Variants in PTPN9 observed in about 807,000 individuals in gnomAD.
The protein encoded by PTPN9 is tyrosine-protein phosphatase non-receptor type 9.
A neutral mutation model predicts 69.8 loss-of-function variants in PTPN9; 26 were observed. That is an observed-to-expected ratio of 0.37 (90% CI 0.27 to 0.52). The LOEUF (loss-of-function observed/expected upper bound fraction) is 0.52. Among genes scored for constraint, PTPN9 ranks in the 20% least tolerant of loss-of-function variants. The pLI, the probability that PTPN9 is intolerant of heterozygous loss-of-function variation, is 0.91. For missense variants in PTPN9, 549 were observed against 740.3 expected, an observed-to-expected ratio of 0.74 and a Z score of 3.00; for synonymous variants, 274 against 272.5, an observed-to-expected ratio of 1.01 and a Z score of -0.05.
intron 5 of PTPN9, chr15:75,512,876 T>C (rs539081025): frequency 1.6e-5 from 5 of 312,078 alleles, no homozygotes; most frequent in Non-Finnish European, 2.5e-5. Context: ...ACCCCAACTA[T>C]GTATTCTTCT....
chr15:75,544,625 G>C (rs938810995), intron 1 of PTPN9, among the ~76,000 whole-genome samples: 2 of 152,128 alleles, frequency 1.3e-5, no homozygotes, highest in Non-Finnish European at 2.9e-5. Context: ...GGTTCCCAGA[G>C]GGAGGTAACA....
rs2074832917 is a variant in PTPN9, at chr15:75,508,923, C to T, written c.633G>A (p.Arg211=). The change falls in exon 6 of 13, where the codon CGG becomes CGA. Residue 211 remains arginine (R), a synonymous_variant. Coordinates refer to ENST00000618819, the MANE Select transcript of PTPN9 (RefSeq NM_002833.4). ...AAGGGCAAGCTTGCCTTACCCTCTC[C>T]CGGACTTTGTCCTTCAGGAGGAGAC... ...IISLLLKDKV[R]ERIQILKTSE... 1 of 1,612,266 alleles carries T rather than the reference C, an allele frequency of 6.2e-7. No individual in the cohort carries two copies. Among genetic ancestry groups the T allele is most frequent in the East Asian group, 2.2e-5 (1 of 44,874 alleles).
rs780827735 is a variant in PTPN9, at chr15:75,505,994, A to G, written c.649T>C (p.Leu217=). 38 of 1,609,830 alleles carry G rather than the reference A, an allele frequency of 2.4e-5. 1 individual carries two copies. The South Asian group carries it at 3.3e-4, about 14-fold the overall frequency. Residue 217 remains leucine (L), a synonymous_variant, in exon 7 of 13, where the codon TTA becomes CTA. Transcript: ENST00000618819. ...TGCTGCGTGACCTCAGATGTCTTTA[A>G]TATTTGAATCTGGAAGGTTAGAAAG... is the stretch of plus-strand genomic sequence containing the variant. ...KDKVRERIQI[L]KTSEVTQHLP...
intron 10 of PTPN9, among the ~76,000 whole-genome samples, chr15:75,473,484 GT>G (rs1360435722): frequency 6.6e-6 from 1 of 152,122 alleles, no homozygotes. Context: ...TAGAGACGGG[GT>G]TTCACCAGGC....
intron 1 of PTPN9, among the ~76,000 whole-genome samples, chr15:75,545,240 C>T (rs920813211): frequency 6.6e-6 from 1 of 152,070 alleles, no homozygotes; most frequent in Non-Finnish European, 1.5e-5. Context: ...CATTTGAACA[C>T]TTGCCAATCT....
intron 6 of PTPN9, among the ~76,000 whole-genome samples, chr15:75,508,055 A>G (rs913693017): frequency 2.6e-5 from 4 of 151,378 alleles, no homozygotes; most frequent in Admixed American, 1.3e-4. Context: ...AAAAAAAAAA[A>G]AAAAAAAAAG....
intron 2 of PTPN9, 74 bp downstream of exon 2, chr15:75,527,044 T>G: frequency 6.4e-7 from 1 of 1,551,284 alleles, no homozygotes; most frequent in Non-Finnish European, 8.9e-7. Flanking sequence ...CCAATGTGTG[T>G]GTCGAGCATG....
chr15:75,502,968 C>T (rs1173543713), intron 7 of PTPN9, among the ~76,000 whole-genome samples: 5 of 152,212 alleles, frequency 3.3e-5, no homozygotes, highest in South Asian at 2.1e-4. Context: ...AGTGCAGTGG[C>T]GTGATCTCAG....
At chr15:75,564,635 T>C (rs983314189) in intron 1 of PTPN9, among the ~76,000 whole-genome samples, 25 of 150,896 alleles carry the variant, frequency 1.7e-4, no homozygotes, top group Admixed American at 3.3e-4. Context: ...TATCATGCCA[T>C]GGCAAAGCTC....
At chr15:75,552,334 G>A (rs1567519182) in intron 1 of PTPN9, among the ~76,000 whole-genome samples, 2 of 152,110 alleles carry the variant, frequency 1.3e-5, no homozygotes, top group Admixed American at 6.5e-5. Context: ...TTGAACCCAG[G>A]AGGCGGAGGT....
intron 5 of PTPN9, among the ~76,000 whole-genome samples, chr15:75,515,104 G>C (rs1336486600): frequency 6.6e-6 from 1 of 152,128 alleles, no homozygotes; most frequent in Non-Finnish European, 1.5e-5. Context: ...AAAATTAGTA[G>C]GAGAGCAGGG....
At chr15:75,552,410 A>AAAAAC (rs994898872) in intron 1 of PTPN9, among the ~76,000 whole-genome samples, 15 of 152,178 alleles carry the variant, frequency 9.9e-5, no homozygotes, top group Admixed American at 6.5e-4. Flanking sequence ...TCCGTCTCAA[A>AAAAAC]AAAACAAAAC....
chr15:75,499,158 G>A (rs534099950), intron 7 of PTPN9, among the ~76,000 whole-genome samples: 68 of 152,242 alleles, frequency 4.5e-4, no homozygotes, highest in Non-Finnish European at 8.1e-4. Context: ...TACACTGATA[G>A]CCACTTCATA....
intron 8 of PTPN9, among the ~76,000 whole-genome samples, chr15:75,486,927 G>A (rs189024515): frequency 2.8e-4 from 43 of 151,930 alleles, no homozygotes; most frequent in African/African-American, 9.4e-4. Flanking sequence ...TGGGACTACA[G>A]GCGCCCACCA....
chr15:75,575,835 C>T (rs560369951), intron 1 of PTPN9, among the ~76,000 whole-genome samples: 1 of 144,368 alleles, frequency 6.9e-6, no homozygotes, highest in Non-Finnish European at 1.5e-5. Context: ...AGAAGAATGG[C>T]ATGAACCCAG....
intron 1 of PTPN9, among the ~76,000 whole-genome samples, chr15:75,564,559 G>A (rs1017291866): frequency 6.7e-6 from 1 of 148,880 alleles, no homozygotes; most frequent in Non-Finnish European, 1.5e-5. Context: ...TCGCGCCACT[G>A]ACTCCAGCCT....
intron 1 of PTPN9, among the ~76,000 whole-genome samples, chr15:75,560,707 T>C (rs1051913291): frequency 6.6e-6 from 1 of 151,912 alleles, no homozygotes; most frequent in African/African-American, 2.4e-5. Context: ...CACCCATCTA[T>C]ATTTTGTTGC....
In PTPN9 at chr15:75,537,602, A is replaced by AAACTTAGC. The variant is rs1200232195; in HGVS notation, c.64-10349_64-10342dup. 6.7e-5 allele frequency among the ~76,000 whole-genome samples: 10 copies of AAACTTAGC among 148,610 alleles called. No homozygotes were observed. In the Admixed American group the frequency reaches 6.8e-4, roughly 10 times the overall value. ...CCCCCACCTCTATTAAAAATGCAAA[A>AAACTTAGC]AACTTAGCTGGGCGTGGTGGTGCGC... On this transcript the variant is annotated intron_variant, in intron 1 of 12. Transcript: ENST00000618819.
chr15:75,515,505 C>G (rs896940286), intron 5 of PTPN9, among the ~76,000 whole-genome samples: 1 of 151,274 alleles, frequency 6.6e-6, no homozygotes, highest in South Asian at 2.1e-4. Flanking sequence ...CAGTGGCCAA[C>G]ACCTATAATC....
Sources: allele counts gnomAD v4.1 joint callset (sites outside exome capture counted in the v4.1 genomes callset), GRCh38; gene constraint gnomAD v4.1.1; transcripts MANE v1.5; gene names NCBI Gene and HGNC (gene_info 2026-07-23, HGNC 2026-07-21).